The following ARMC6 variants were observed in gnomAD, a reference collection of about 807,000 sequenced individuals.
ARMC6 encodes the protein armadillo repeat containing 6.
In ARMC6, 43 loss-of-function variants were observed where a neutral mutation model predicts 49.2. The ratio of observed to expected loss-of-function variants is 0.87; its 90% CI spans 0.69 to 1.13. ARMC6 has a LOEUF of 1.13. Ranked by LOEUF, ARMC6 falls within the 50% of genes most tolerant of loss-of-function variation. ARMC6 has a pLI of 0.00. For synonymous variants in ARMC6, 262 were observed against 289.6 expected, an observed-to-expected ratio of 0.90 and a Z score of 0.97; for missense variants, 627 against 682.0, an observed-to-expected ratio of 0.92 and a Z score of 0.90.
At chr19:19,044,147 A>G (rs2059431295) in intron 4 of ARMC6, 73 bp downstream of exon 4, 6 of 1,437,240 alleles carry the variant, frequency 4.2e-6, no homozygotes, top group Non-Finnish European at 5.9e-6. Context: ...TGTTTCCTGG[A>G]TGGCAGAATA....
intron 4 of ARMC6, among the ~76,000 whole-genome samples, chr19:19,049,255 G>A (rs1027009028): frequency 2.0e-5 from 3 of 151,848 alleles, no homozygotes; most frequent in Non-Finnish European, 2.9e-5. Flanking sequence ...GTTTTACCAC[G>A]TTGCCCAGGC....
At chr19:19,042,951 GC>G in intron 3 of ARMC6, 74 bp downstream of exon 3, 1 of 1,557,908 alleles carries the variant, frequency 6.4e-7, no homozygotes, top group East Asian at 2.3e-5. Context: ...CTGCTGCCCC[GC>G]CCCACTGGGG....
At chr19:19,037,100 G>A (rs926660461) in intron 2 of ARMC6, among the ~76,000 whole-genome samples, 6 of 152,158 alleles carry the variant, frequency 3.9e-5, no homozygotes, top group Admixed American at 2.0e-4. Flanking sequence ...CACAAGAATC[G>A]CTTGAACCCA....
chr19:19,057,101 G>A, intron 8 of ARMC6, among the ~76,000 whole-genome samples: 1 of 152,232 alleles, frequency 6.6e-6, no homozygotes, highest in East Asian at 1.9e-4. Context: ...CCTTGCCCTA[G>A]GGCCCCTTCC....
rs2059501215 is a variant in ARMC6, at chr19:19,051,991, G to C, written c.649G>C (p.Val217Leu). Reference sequence around the variant, plus strand: ...ACATGAACAGAATCGGCAAGACCTGGTGAAAGCTGGCGTGCTGCCTCTGCT... The same window carrying C: ...ACATGAACAGAATCGGCAAGACCTGCTGAAAGCTGGCGTGCTGCCTCTGCT... ...LKHEQNRQDLVKAGVLPLLTG... is the reference protein window; with the variant it reads ...LKHEQNRQDLLKAGVLPLLTG... The change falls in exon 5 of 9, where the codon GTG (valine) becomes CTG (leucine). Residue 217 changes from valine to leucine, a missense_variant. By Grantham distance (32) the Val-to-Leu change is conservative (BLOSUM62 1). Transcript: ENST00000535612. 1 of 1,614,092 alleles carries C rather than the reference G, an allele frequency of 6.2e-7. No individual in the cohort carries two copies. Among genetic ancestry groups the C allele is most frequent in the Admixed American group, 1.7e-5 (1 of 60,034 alleles).
rs759756326 is a variant in ARMC6 at position 19,054,292 on chromosome 19, C to G, written c.994C>G (p.His332Asp). 12 of 1,602,602 alleles carry G rather than the reference C, an allele frequency of 7.5e-6. No homozygotes were observed. The Admixed American group carries it at 1.9e-4, about 25-fold the overall frequency. ...LVSLLADCND[H>D]QMRDQSGVQE... ...GTCCCTGCTAGCCGACTGCAATGAC[C>G]ACCAGATGAGGGACCAGAGCGGCGT... is the stretch of plus-strand genomic sequence containing the variant. Residue 332 changes from histidine (H) to aspartate (D), a missense_variant, in exon 6 of 9, where the codon CAC (histidine) becomes GAC (aspartate). Coordinates refer to ENST00000535612, the MANE Select transcript of ARMC6 (RefSeq NM_001199196.2).
At chr19:19,046,370 G>T (rs2059450633) in intron 4 of ARMC6, among the ~76,000 whole-genome samples, 1 of 151,690 alleles carries the variant, frequency 6.6e-6, no homozygotes, top group South Asian at 2.1e-4. Context: ...CTAATTTTTT[G>T]TATTTTTTAG....
intron 2 of ARMC6, among the ~76,000 whole-genome samples, 170 bp from the exon 3 acceptor site, chr19:19,042,541 A>C (rs1191945090): frequency 1.3e-5 from 2 of 152,202 alleles, no homozygotes; most frequent in African/African-American, 2.4e-5. Flanking sequence ...GTTCTAGGGA[A>C]GTAGGGATAT....
chr19:19,046,521 G>A (rs1403341704), intron 4 of ARMC6, among the ~76,000 whole-genome samples: 1 of 151,394 alleles, frequency 6.6e-6, no homozygotes, highest in Non-Finnish European at 1.5e-5. Context: ...TTGAGATGGA[G>A]TCTCACTCTG....
Position 19,046,955 on chromosome 19 carries a change from CT to C in ARMC6, c.279+2897del, listed in dbSNP as rs1405584876. ...TTTTTTTTTTTTTCTTTTTCTATTT[CT>C]TTTTTTTTTTTTTTTGACACAAACT... On this transcript the variant is annotated intron_variant, in intron 4 of 8. Transcript: ENST00000535612. Among the ~76,000 whole-genome samples, 199 of 71,070 alleles carry C rather than the reference CT, an allele frequency of 2.8e-3. 1 individual carries two copies. Among genetic ancestry groups the C allele is most frequent in the East Asian group, 5.6e-3 (12 of 2,152 alleles). 46.6% of individuals were successfully genotyped at this position (71,070 alleles called of 152,430 possible). A position where few individuals can be genotyped will look rare whatever the true frequency, so the allele number is the denominator to read the frequency against.
At chr19:19,036,557 G>C (rs141936329) in intron 2 of ARMC6, among the ~76,000 whole-genome samples, 60 of 152,268 alleles carry the variant, frequency 3.9e-4, no homozygotes, top group Middle Eastern at 3.4e-3. Flanking sequence ...GGGGTGGTGG[G>C]AGTGGAGTCC....
chr19:19,047,588 C>T (rs1257579246), intron 4 of ARMC6, among the ~76,000 whole-genome samples: 3 of 152,168 alleles, frequency 2.0e-5, no homozygotes, highest in African/African-American at 7.2e-5. Context: ...AGCCCCCCTC[C>T]ATGAGCAAGG....
chr19:19,052,111 G>C lies in ARMC6; in HGVS notation c.769G>C (p.Val257Leu). ...CATGACCTTCGATGACGACATCCGTGTGCCCTTTGGCCATGCCCACAACCA... is the reference window on the plus strand; with the variant it reads ...CATGACCTTCGATGACGACATCCGTCTGCCCTTTGGCCATGCCCACAACCA... ...RVMTFDDDIR[V>L]PFGHAHNHAK... The change falls in exon 5 of 9, where the codon GTG (valine) becomes CTG (leucine). Residue 257 changes from valine to leucine, a missense_variant. By Grantham distance (32) the Val-to-Leu change is conservative. Transcript: ENST00000535612. The C allele has an allele frequency of 6.2e-7, 1 of 1,613,918 alleles. No homozygotes were observed.
In ARMC6 at chr19:19,033,636, G is replaced by A. The variant is rs903794575; in HGVS notation, c.-374G>A. 6.9e-5 allele frequency: 76 copies of A among 1,109,068 alleles called. No individual in the cohort carries two copies. In the African/African-American group the frequency reaches 1.1e-3, roughly 16 times the overall value. 68.7% of individuals were successfully genotyped at this position (1,109,068 alleles called of 1,614,324 possible). On this transcript the variant is annotated 5_prime_UTR_variant, in exon 1 of 9. Transcript: ENST00000535612. ...GCTCTCTTGCGCAAGCGCGCTGTCC[G>A]CTTCTTCTGGGCGGACGCTCTGGAG...
Position 19,054,241 on chromosome 19 carries a change from G to A in ARMC6, c.943G>A (p.Asp315Asn), listed in dbSNP as rs370794754. The A allele has an allele frequency of 6.2e-6, 10 of 1,611,712 alleles. No individual in the cohort carries two copies. Among genetic ancestry groups the A allele is most frequent in the Non-Finnish European group, 8.5e-6 (10 of 1,179,074 alleles). ...CAACGAGTTCTGCCAGGAGGTCGTC[G>A]ACCTCGGGGGCCTGAGCATTCTGGT... is the stretch of plus-strand genomic sequence containing the variant. ...IRNEFCQEVV[D>N]LGGLSILVSL... Residue 315 changes from aspartate (D) to asparagine (N), a missense_variant, in exon 6 of 9, where the codon GAC becomes AAC. Transcript: ENST00000535612.
chr19:19,045,674 CAG>C (rs1157232940), intron 4 of ARMC6, among the ~76,000 whole-genome samples: 1 of 142,230 alleles, frequency 7.0e-6, no homozygotes, highest in East Asian at 2.1e-4. Flanking sequence ...TTTTTTGAGA[CAG>C]AGTCTCGCTC....
At chr19:19,056,253 C>T (rs192767292) in intron 8 of ARMC6, among the ~76,000 whole-genome samples, 2 of 150,666 alleles carry the variant, frequency 1.3e-5, no homozygotes, top group Non-Finnish European at 2.9e-5. Context: ...CACGTAATCT[C>T]CTTCTGTGGG....
chr19:19,041,197 T>C (rs2145850304), intron 2 of ARMC6, among the ~76,000 whole-genome samples: 1 of 152,332 alleles, frequency 6.6e-6, no homozygotes, highest in Non-Finnish European at 1.5e-5. Flanking sequence ...TCAGTGCTCC[T>C]GTGCTGTCAT....
chr19:19,044,005 C>G lies in ARMC6; in HGVS notation c.210C>G (p.Ser70Arg). 2 of 1,614,052 alleles carry G rather than the reference C, an allele frequency of 1.2e-6. No individual in the cohort carries two copies. The highest frequency in any genetic ancestry group is 1.7e-6 in the Non-Finnish European group (2 of 1,179,940). The part of the protein sequence containing the change: ...EQFESQGVDL[S>R]NIVKTAPKVS... ...CACCCCCAACAGGGGTTGATCTGAG[C>G]AACATTGTAAAGACGGCACCTAAAG... The change falls in exon 4 of 9, where the codon AGC becomes AGG. Residue 70 changes from serine to arginine, a missense_variant. Transcript: ENST00000535612.
Sources: gnomAD v4.1 joint callset for allele counts (sites outside exome capture counted in the v4.1 genomes callset) on GRCh38, gnomAD v4.1.1 for gene constraint, MANE v1.5 for transcripts, NCBI Gene and HGNC (gene_info 2026-07-23, HGNC 2026-07-21) for gene names.